The following MICALL1 variants were observed in gnomAD, a reference collection of about 807,000 sequenced individuals.
The protein encoded by MICALL1 is MICAL like 1, also known as MICAL-like protein 1.
A neutral mutation model predicts 83.7 loss-of-function variants in MICALL1; 61 were observed. The observed-to-expected ratio is 0.73, with a 90% CI of 0.59 to 0.90. The LOEUF is 0.90. Ranked by LOEUF, MICALL1 falls within the 40% of genes least tolerant of loss-of-function variation. The probability of loss-of-function intolerance (pLI) is 0.00; values close to 1 mark genes in which losing one functional copy is unlikely to be tolerated. For missense variants in MICALL1, 1,066 were observed against 1,152.0 expected (o/e 0.93, Z 1.08); for synonymous variants, 481 against 473.6 (o/e 1.02, Z -0.20).
At chr22:37,939,196 C>G (rs1930297203) in intron 15 of MICALL1, among the ~76,000 whole-genome samples, 2 of 152,212 alleles carry the variant, frequency 1.3e-5, no homozygotes, top group African/African-American at 4.8e-5. Flanking sequence ...GAGCTGGCCA[C>G]TCTACCACTC....
chr22:37,931,373 C>G (rs1210140161), intron 9 of MICALL1, among the ~76,000 whole-genome samples: 1 of 149,706 alleles, frequency 6.7e-6, no homozygotes, highest in Non-Finnish European at 1.5e-5. Context: ...GAGAACCTGT[C>G]TTTACAAAAA....
At chr22:37,927,180 A>G in intron 8 of MICALL1, 1 of 515,222 alleles carries the variant, frequency 1.9e-6, no homozygotes, top group East Asian at 3.0e-5. Flanking sequence ...GGGGAAGTGG[A>G]GGCAGCAGGC....
chr22:37,936,497 AG>A (rs1368205965), intron 13 of MICALL1, among the ~76,000 whole-genome samples: 2 of 152,206 alleles, frequency 1.3e-5, no homozygotes, highest in South Asian at 2.1e-4. Flanking sequence ...CTGTTCTTGC[AG>A]TAGGTGCTGT....
chr22:37,916,989 G>A (rs979744121), intron 3 of MICALL1, among the ~76,000 whole-genome samples: 1 of 152,034 alleles, frequency 6.6e-6, no homozygotes, highest in Admixed American at 6.6e-5. Context: ...TTAGCCTTCC[G>A]AGTGGCTGAG....
In MICALL1 at chr22:37,932,962, C is replaced by A; in HGVS notation, c.2234+74C>A. The A allele has an allele frequency of 5.6e-6, 9 of 1,611,898 alleles. No homozygotes were observed. Among genetic ancestry groups the A allele is most frequent in the Non-Finnish European group, 7.6e-6 (9 of 1,178,092 alleles). On this transcript the variant is annotated intron_variant, in intron 12 of 15. Transcript: ENST00000215957. This position sits in a 1 kb window ranked among gnomAD's most constrained non-coding sequence, Gnocchi z 4.4. ...GAATGGAGAACCCTTACCCTCTTCC[C>A]TCATCAGTAACAGCGCAGGGCAGGG...
chr22:37,932,997 C>T lies in MICALL1; in HGVS notation c.2235-42C>T, dbSNP rs1484182275. 1.2e-6 allele frequency: 2 copies of T among 1,613,432 alleles called. No homozygotes were observed. Among genetic ancestry groups the T allele is most frequent in the Non-Finnish European group, 1.7e-6 (2 of 1,179,452 alleles). ...ACAGCGCAGGGCAGGGCAGCCGGGG[C>T]TCGGGCAGAATTGTTAAGAGTCACC... On this transcript the variant is annotated intron_variant, in intron 12 of 15. Coordinates refer to ENST00000215957, the MANE Select transcript of MICALL1 (RefSeq NM_033386.4). This position sits in a 1 kb window ranked among gnomAD's most constrained non-coding sequence, Gnocchi z 4.4.
intron 13 of MICALL1, among the ~76,000 whole-genome samples, chr22:37,934,081 G>T (rs1342758538): frequency 6.6e-6 from 1 of 152,242 alleles, no homozygotes; most frequent in African/African-American, 2.4e-5. Context: ...CAGAGCCACA[G>T]CGGCGCCCTG....
intron 14 of MICALL1, 119 bp downstream of exon 14, chr22:37,937,313 C>G (rs751728853): frequency 2.2e-4 from 172 of 774,050 alleles, no homozygotes; most frequent in Non-Finnish European, 3.3e-4. Context: ...TCAGGCCAGG[C>G]CAGCCCTGCC....
At chr22:37,922,614 T>A (rs1227385652) in intron 6 of MICALL1, among the ~76,000 whole-genome samples, 188 bp downstream of exon 6, 1 of 113,038 alleles carries the variant, frequency 8.8e-6, no homozygotes, top group Non-Finnish European at 1.9e-5. Context: ...TTTTTTTTTT[T>A]TTTTTTTTTT....
intron 3 of MICALL1, among the ~76,000 whole-genome samples, chr22:37,913,444 C>G (rs1054688378): frequency 6.6e-6 from 1 of 152,218 alleles, no homozygotes; most frequent in Admixed American, 6.5e-5. Context: ...GTCCACCTCC[C>G]CGGCACCCAC....
At chr22:37,907,643 C>T (rs1034770233) in intron 1 of MICALL1, among the ~76,000 whole-genome samples, 1 of 152,174 alleles carries the variant, frequency 6.6e-6, no homozygotes, top group African/African-American at 2.4e-5. Flanking sequence ...TTGCACTGTC[C>T]GAGGGCAGCA....
chr22:37,925,420 C>T (rs1183618275), intron 7 of MICALL1, among the ~76,000 whole-genome samples: 1 of 152,052 alleles, frequency 6.6e-6, no homozygotes. Context: ...AGCCCCTGGT[C>T]GATCCTTTCC....
At chr22:37,922,786 G>GTT (rs199591185) in intron 6 of MICALL1, among the ~76,000 whole-genome samples, 6 of 83,994 alleles carry the variant, frequency 7.1e-5, no homozygotes, top group South Asian at 4.2e-4. Flanking sequence ...ATTTTGTTTT[G>GTT]TTTTTTTTTG....
chr22:37,926,094 C>T, intron 8 of MICALL1, 51 bp downstream of exon 8: 2 of 1,526,550 alleles, frequency 1.3e-6, no homozygotes, highest in South Asian at 2.5e-5. Flanking sequence ...GGGGGTGGGG[C>T]CCGGGCCTGG....
At position 37,932,637 on chromosome 22, in the gene MICALL1, C is replaced by T. The variant is rs772663506; in HGVS notation, c.2101C>T (p.Arg701Cys). ...GCGCCGGCTGGATGCCCTGGAGCAC[C>T]GTGGGGTGCTGCTGGAGGAGAAGCT... ...IERRLDALEH[R>C]GVLLEEKLRG... The change falls in exon 11 of 16, where the codon CGT becomes TGT. Residue 701 changes from arginine (R) to cysteine (C), a missense_variant. Transcript: ENST00000215957. This position sits in a 1 kb window ranked among gnomAD's most constrained non-coding sequence, Gnocchi z 4.4. 8.1e-6 allele frequency: 13 copies of T among 1,613,942 alleles called. No homozygotes were observed. The African/African-American group carries it at 1.3e-4, about 17-fold the overall frequency.
Position 37,931,825 on chromosome 22 carries a change from C to T in MICALL1, c.1908C>T (p.Asn636=). ...CCTCCTGCAAGGAGAATCCTTTTAACCGGAAGCCATCACCTGCAGCGTCCC... is the reference window on the plus strand; with the variant it reads ...CCTCCTGCAAGGAGAATCCTTTTAATCGGAAGCCATCACCTGCAGCGTCCC... ...VKSSCKENPF[N]RKPSPAASPA... Residue 636 remains asparagine (N), a synonymous_variant, in exon 10 of 16, where the codon AAC becomes AAT. Transcript: ENST00000215957. The T allele has an allele frequency of 6.2e-7, 1 of 1,614,124 alleles. No individual in the cohort carries two copies. Among genetic ancestry groups the T allele is most frequent in the South Asian group, 1.1e-5 (1 of 91,074 alleles).
Position 37,919,159 on chromosome 22 carries a change from T to C in MICALL1, c.550T>C (p.Tyr184His). The change falls in exon 5 of 16, where the codon TAC becomes CAC. Residue 184 changes from tyrosine to histidine, a missense_variant. Coordinates refer to ENST00000215957, the MANE Select transcript of MICALL1 (RefSeq NM_033386.4). ...VQRYLADGRLYHRHCFRCRRC... is the reference protein window; with the variant it reads ...VQRYLADGRLHHRHCFRCRRC... ...GCGCTACCTGGCTGACGGCAGGCTG[T>C]ACCATCGCCACTGCTTCCGGTGAGT... 1.3e-6 allele frequency: 2 copies of C among 1,544,124 alleles called. No homozygotes were observed. The highest frequency in any genetic ancestry group is 1.8e-6 in the Non-Finnish European group (2 of 1,142,310).
rs772241520 is a variant in MICALL1, at chr22:37,919,228, C to T, written c.569+50C>T. ...CCCCCGAAACCAGGGAGGGGGCTAC[C>T]GTGGGTTCAGCACACACAGTGCGCC... On this transcript the variant is annotated intron_variant, in intron 5 of 15. Transcript: ENST00000215957. 1.4e-5 allele frequency: 21 copies of T among 1,466,456 alleles called. No individual in the cohort carries two copies. The South Asian group carries it at 1.6e-4, about 12-fold the overall frequency. The allele number at this position is 1,466,456 out of a possible 1,614,324, so 90.8% of individuals were successfully genotyped here.
chr22:37,922,796 G>GTTTTTTTTTTTTTTTTT (rs574266914), intron 6 of MICALL1, among the ~76,000 whole-genome samples: 21 of 69,192 alleles, frequency 3.0e-4, no homozygotes, highest in African/African-American at 8.8e-4. Flanking sequence ...GTTTTTTTTT[G>GTTTTTTTTTTTTTTTTT]TTTTTTTTTT....
Sources: allele counts gnomAD v4.1 joint callset (sites outside exome capture counted in the v4.1 genomes callset), GRCh38; gene constraint gnomAD v4.1.1; non-coding constraint Gnocchi (gnomAD v3.1); transcripts MANE v1.5; gene names NCBI Gene and HGNC (gene_info 2026-07-23, HGNC 2026-07-21).